CD74: variants seen among roughly 807,000 people sequenced by gnomAD.
CD74 encodes the protein CD74 molecule, also known as HLA class II histocompatibility antigen gamma chain.
A neutral mutation model predicts 37.1 loss-of-function variants in CD74; 20 were observed. The ratio of observed to expected loss-of-function variants is 0.54; its 90% CI spans 0.38 to 0.78. CD74 has a LOEUF of 0.78. CD74 is among the 30% of genes least tolerant of loss of function. The pLI, the probability that CD74 is intolerant of heterozygous loss-of-function variation, is 0.00. For synonymous variants in CD74, 150 were observed against 152.0 expected (o/e 0.99, Z 0.10); for missense variants, 338 against 389.5 (o/e 0.87, Z 1.11).
At chr5:150,411,696 G>C (rs1288834244) in intron 1 of CD74, among the ~76,000 whole-genome samples, 1 of 152,200 alleles carries the variant, frequency 6.6e-6, no homozygotes. Context: ...GCACAGGCAA[G>C]GACATGACCC....
In CD74 at chr5:150,407,162, C is replaced by T. The variant is rs1581254437; in HGVS notation, c.288G>A (p.Lys96=). The change falls in exon 2 of 9, where the codon AAG becomes AAA. Residue 96 remains lysine (K), a synonymous_variant. Transcript: ENST00000009530. This position sits in a 1 kb window ranked among gnomAD's most constrained non-coding sequence, Gnocchi z 4.4. The part of the protein sequence containing the change: ...QNLQLENLRM[K]LPKPPKPVSK... ...TAGGGGTGCACGCACGCTTGGGAAG[C>T]TTCATGCGCAGGTTCTCCAGCTGCA... is the stretch of plus-strand genomic sequence containing the variant. The T allele has an allele frequency of 6.2e-7, 1 of 1,613,760 alleles. No individual in the cohort carries two copies.
In CD74 at chr5:150,402,090, C is replaced by T; in HGVS notation, c.*150G>A. 1 of 1,543,708 alleles carries T rather than the reference C, an allele frequency of 6.5e-7. No homozygotes were observed. Among genetic ancestry groups the T allele is most frequent in the Non-Finnish European group, 8.7e-7 (1 of 1,146,808 alleles). ...TATCTGCTGTTCCGACTTGGTTTGT[C>T]TTGTCCAAGGGTGACGAAAGAGCCA... is the stretch of plus-strand genomic sequence containing the variant. On this transcript the variant is annotated 3_prime_UTR_variant, in exon 9 of 9. Transcript: ENST00000009530. This position sits in a 1 kb window ranked among gnomAD's most constrained non-coding sequence, Gnocchi z 4.2.
At position 150,403,256 on chromosome 5, in the gene CD74, A is replaced by G. The variant is rs1195146073; in HGVS notation, c.682T>C (p.Phe228Leu). ...CCGTTCTCGTCGCACTTGGGCCTGA[A>G]TGAACCCGGGTGGACAGCAGGGATG... ...SHIPAVHPGS[F>L]RPKCDENGNY... Residue 228 changes from phenylalanine to leucine, a missense_variant, in exon 7 of 9, where the codon TTC (phenylalanine) becomes CTC (leucine). Coordinates refer to ENST00000009530, the MANE Select transcript of CD74 (RefSeq NM_001025159.3). The surrounding 1 kb of genome is among the most constrained non-coding windows in gnomAD (Gnocchi z 4.5). 3 of 1,613,894 alleles carry G rather than the reference A, an allele frequency of 1.9e-6. No homozygotes were observed. The African/African-American group carries it at 4.0e-5, about 22-fold the overall frequency.
Position 150,407,734 on chromosome 5 carries a change from G to A in CD74, c.126-410C>T, listed in dbSNP as rs983780186. On this transcript the variant is annotated intron_variant, in intron 1 of 8. Coordinates refer to ENST00000009530, the MANE Select transcript of CD74 (RefSeq NM_001025159.3). This position sits in a 1 kb window ranked among gnomAD's most constrained non-coding sequence, Gnocchi z 4.4. ...TCAGGGCTGCCCTCAAGGGGAACAG[G>A]TTTGGTTTTTGTTTTGTTTTGTTTT... 1.3e-5 allele frequency among the ~76,000 whole-genome samples: 2 copies of A among 151,132 alleles called. No homozygotes were observed. Among genetic ancestry groups the A allele is most frequent in the Middle Eastern group, 3.4e-3 (1 of 294 alleles).
Position 150,412,617 on chromosome 5 carries a change from A to T in CD74, c.125+8T>A. On this transcript the variant is annotated splice_region_variant and intron_variant, in intron 1 of 8. Coordinates refer to ENST00000009530, the MANE Select transcript of CD74 (RefSeq NM_001025159.3). ...ATCGGTGTGCCCTTTCCTGGTGCTC[A>T]CACATACCTCTCCGGGGCCCCAGGG... The T allele has an allele frequency of 6.2e-7, 1 of 1,604,310 alleles. No individual in the cohort carries two copies. Among genetic ancestry groups the T allele is most frequent in the Non-Finnish European group, 8.5e-7 (1 of 1,173,296 alleles).
chr5:150,412,293 C>T (rs2151187016), intron 1 of CD74, among the ~76,000 whole-genome samples: 1 of 152,356 alleles, frequency 6.6e-6, no homozygotes, highest in Non-Finnish European at 1.5e-5. Context: ...CTAGCATTCA[C>T]AGCCCAGCTT....
At chr5:150,405,990 C>T (rs1156443928) in intron 4 of CD74, 4 of 323,922 alleles carry the variant, frequency 1.2e-5, no homozygotes, top group South Asian at 3.8e-5. Flanking sequence ...AGGCTGGTCT[C>T]GAACTCCTGG....
intron 2 of CD74, 21 bp from the exon 3 acceptor site, chr5:150,406,981 G>T: frequency 6.4e-7 from 1 of 1,572,390 alleles, no homozygotes. Flanking sequence ...AGGAACGAGG[G>T]TAAGTGTGGC....
rs1293609980 is a variant in CD74 at position 150,402,856 on chromosome 5, G to A, written c.818-231C>T. Among the ~76,000 whole-genome samples, 2 of 152,346 alleles carry A rather than the reference G, an allele frequency of 1.3e-5. No individual in the cohort carries two copies. Among genetic ancestry groups the A allele is most frequent in the South Asian group, 2.1e-4 (1 of 4,832 alleles). On this transcript the variant is annotated intron_variant, in intron 7 of 8. Coordinates refer to ENST00000009530, the MANE Select transcript of CD74 (RefSeq NM_001025159.3). The surrounding 1 kb of genome is among the most constrained non-coding windows in gnomAD (Gnocchi z 4.2). ...GGACTCCTGGATGCTAGAGGATGGC[G>A]CGTGGATGGATGAAATTCACAGATG...
In CD74 at chr5:150,402,725, C is replaced by T. The variant is rs2151167913; in HGVS notation, c.818-100G>A. ...TCCCACCTAGCCACAGGCTTAGTGC[C>T]TGGGAAAGCAGGTACCCAGGGAAGG... On this transcript the variant is annotated intron_variant, in intron 7 of 8. Transcript: ENST00000009530. The surrounding 1 kb of genome is among the most constrained non-coding windows in gnomAD (Gnocchi z 4.2). The T allele has an allele frequency of 9.7e-7, 1 of 1,026,784 alleles. No homozygotes were observed. Among genetic ancestry groups the T allele is most frequent in the South Asian group, 1.5e-5 (1 of 65,444 alleles). The allele number at this position is 1,026,784 out of a possible 1,614,324, so 63.6% of individuals were successfully genotyped here. A position where few individuals can be genotyped will look rare whatever the true frequency, so the allele number is the denominator to read the frequency against.
In CD74 at chr5:150,402,464, G is replaced by A. The variant is rs761527940; in HGVS notation, c.880+99C>T. 9.3e-7 allele frequency: 1 copy of A among 1,074,012 alleles called. No homozygotes were observed. Among genetic ancestry groups the A allele is most frequent in the Admixed American group, 1.7e-5 (1 of 58,874 alleles). 66.5% of individuals were successfully genotyped at this position (1,074,012 alleles called of 1,614,324 possible). On this transcript the variant is annotated intron_variant, in intron 8 of 8. Coordinates refer to ENST00000009530, the MANE Select transcript of CD74 (RefSeq NM_001025159.3). The surrounding 1 kb of genome is among the most constrained non-coding windows in gnomAD (Gnocchi z 4.2). Reference sequence around the variant, plus strand: ...AAATGGACATCCCAGGAATGTTGGAGAGTGGCCCAGCGTCACACTCCTTCA... The same window carrying A: ...AAATGGACATCCCAGGAATGTTGGAAAGTGGCCCAGCGTCACACTCCTTCA...
chr5:150,412,403 G>C (rs1770396334), intron 1 of CD74, among the ~76,000 whole-genome samples: 1 of 152,366 alleles, frequency 6.6e-6, no homozygotes, highest in East Asian at 1.9e-4. Flanking sequence ...TGCAAGGAAA[G>C]TTACAAACTC....
chr5:150,410,082 G>A (rs1354544269), intron 1 of CD74, among the ~76,000 whole-genome samples: 2 of 136,722 alleles, frequency 1.5e-5, no homozygotes, highest in African/African-American at 2.6e-5. Context: ...GGGGCGGGGG[G>A]GAAGTGGGGA....
rs965890894 is a variant in CD74, at chr5:150,407,946, G to A, written c.126-622C>T. ...ATTATTTTGTATTTTTGATAGAGAC[G>A]GGGTTTCACCGTGGTCTCGATCTCC... On this transcript the variant is annotated intron_variant, in intron 1 of 8. Transcript: ENST00000009530. This position sits in a 1 kb window ranked among gnomAD's most constrained non-coding sequence, Gnocchi z 4.4. 6.6e-6 allele frequency among the ~76,000 whole-genome samples: 1 copy of A among 151,914 alleles called. No individual in the cohort carries two copies. Among genetic ancestry groups the A allele is most frequent in the East Asian group, 1.9e-4 (1 of 5,164 alleles).
chr5:150,410,014 G>A (rs1198658294), intron 1 of CD74, among the ~76,000 whole-genome samples: 1 of 142,852 alleles, frequency 7.0e-6, no homozygotes, highest in Non-Finnish European at 1.5e-5. Flanking sequence ...CTGGGATAAG[G>A]CCCAGCCCAA....
intron 1 of CD74, among the ~76,000 whole-genome samples, chr5:150,409,888 C>T (rs539046113): frequency 5.9e-5 from 9 of 152,158 alleles, no homozygotes; most frequent in African/African-American, 2.2e-4. Context: ...ACCCTGCCTA[C>T]TCCAGCAACC....
rs931105551 is a variant in CD74, at chr5:150,405,187, G to C, written c.442-7C>G. ...CCTTCAGGGGGTCAGCATTCTACAG[G>C]GTAGCAGGGCAGGAAGGATGGTTCA... is the stretch of plus-strand genomic sequence containing the variant. On this transcript the variant is annotated splice_region_variant and splice_polypyrimidine_tract_variant and intron_variant, in intron 4 of 8. Transcript: ENST00000009530. 6.3e-7 allele frequency: 1 copy of C among 1,584,202 alleles called. No individual in the cohort carries two copies. The highest frequency in any genetic ancestry group is 1.4e-5 in the African/African-American group (1 of 73,296).
In CD74 at chr5:150,401,828, C is replaced by T; in HGVS notation, c.*412G>A. 1.6e-6 allele frequency: 1 copy of T among 639,780 alleles called. No homozygotes were observed. The allele number at this position is 639,780 out of a possible 1,614,324, so 39.6% of individuals were successfully genotyped here. On this transcript the variant is annotated 3_prime_UTR_variant, in exon 9 of 9. Coordinates refer to ENST00000009530, the MANE Select transcript of CD74 (RefSeq NM_001025159.3). ...CTGCAGGTAAATAGGCTAGAAAAGC[C>T]AAGGCCAAAGGCTGGAGGGGAGAGG...
In CD74 at chr5:150,402,777, G is replaced by A. The variant is rs2151168170; in HGVS notation, c.818-152C>T. The A allele has an allele frequency of 1.5e-6, 1 of 677,250 alleles. No homozygotes were observed. The highest frequency in any genetic ancestry group is 2.6e-6 in the Non-Finnish European group (1 of 387,922). 42.0% of individuals were successfully genotyped at this position (677,250 alleles called of 1,614,324 possible). ...CAGCTGCAAGCAGCAACAAAGAGGTGTAATGGGGGCTCGAGTGAGAAGGGG... is the reference window on the plus strand; with the variant it reads ...CAGCTGCAAGCAGCAACAAAGAGGTATAATGGGGGCTCGAGTGAGAAGGGG... On this transcript the variant is annotated intron_variant, in intron 7 of 8. Transcript: ENST00000009530. The surrounding 1 kb of genome is among the most constrained non-coding windows in gnomAD (Gnocchi z 4.2).
Sources: allele counts gnomAD v4.1 joint callset (sites outside exome capture counted in the v4.1 genomes callset), GRCh38; gene constraint gnomAD v4.1.1; non-coding constraint Gnocchi (gnomAD v3.1); transcripts MANE v1.5; gene names NCBI Gene and HGNC (gene_info 2026-07-23, HGNC 2026-07-21).